SNX29: variants seen among roughly 807,000 people sequenced by gnomAD.
SNX29 encodes sorting nexin 29, also known as sorting nexin-29.
In SNX29, 78 loss-of-function variants were observed where a neutral mutation model predicts 102.1. The ratio of observed to expected loss-of-function variants is 0.76; its 90% confidence interval spans 0.64 to 0.92. The LOEUF (loss-of-function observed/expected upper bound fraction) is 0.92, where lower values mean the gene tolerates loss of function less well. Ranked by LOEUF, SNX29 falls within the 40% of genes least tolerant of loss-of-function variation. SNX29 has a pLI of 0.00. For synonymous variants in SNX29, 580 were observed against 414.5 expected, an observed-to-expected ratio of 1.40 and a Z score of -4.85; for missense variants, 1,280 against 1,061.7, an observed-to-expected ratio of 1.21 and a Z score of -2.86.
chr16:12,230,148 C>G (rs575261774), intron 14 of SNX29, among the ~76,000 whole-genome samples: 1 of 152,094 alleles, frequency 6.6e-6, no homozygotes, highest in African/African-American at 2.4e-5. Flanking sequence ...AGTGTTTAAA[C>G]GAAAACAAAG....
intron 13 of SNX29, among the ~76,000 whole-genome samples, chr16:12,151,263 T>C (rs1171701712): frequency 6.6e-6 from 1 of 151,994 alleles, no homozygotes; most frequent in African/African-American, 2.4e-5. Context: ...TGCTTATATA[T>C]GAATCTCTTA....
chr16:12,258,488 A>C (rs1362528898), intron 14 of SNX29, among the ~76,000 whole-genome samples: 1 of 152,038 alleles, frequency 6.6e-6, no homozygotes, highest in Non-Finnish European at 1.5e-5. Flanking sequence ...CACCCTCTCC[A>C]GTGTATGTTT....
At chr16:12,432,733 G>A (rs778841455) in intron 18 of SNX29, among the ~76,000 whole-genome samples, 4 of 152,196 alleles carry the variant, frequency 2.6e-5, no homozygotes, top group Non-Finnish European at 5.9e-5. Context: ...AGTTTATGTG[G>A]GAGGGAAAAA....
At chr16:12,073,401 C>G (rs1462019094) in intron 10 of SNX29, among the ~76,000 whole-genome samples, 1 of 152,236 alleles carries the variant, frequency 6.6e-6, no homozygotes, top group East Asian at 1.9e-4. Flanking sequence ...CAAAGAACAT[C>G]TTTATTTCTG....
intron 10 of SNX29, among the ~76,000 whole-genome samples, chr16:12,074,698 C>G (rs886949416): frequency 6.6e-6 from 1 of 152,152 alleles, no homozygotes; most frequent in Non-Finnish European, 1.5e-5. Context: ...TTTCCTGAAT[C>G]TGAATGTTGG....
At chr16:12,108,029 G>T (rs1480368555) in intron 11 of SNX29, among the ~76,000 whole-genome samples, 4 of 152,122 alleles carry the variant, frequency 2.6e-5, no homozygotes, top group Non-Finnish European at 5.9e-5. Flanking sequence ...ATAAGGAGGG[G>T]AAAGGTCCAT....
rs2084043216 is a variant in SNX29 at position 12,403,472 on chromosome 16, C to T, written c.1980C>T (p.Val660=). The T allele has an allele frequency of 6.2e-7, 1 of 1,609,094 alleles. No homozygotes were observed. The highest frequency in any genetic ancestry group is 1.3e-5 in the African/African-American group (1 of 74,858). ...FEISNRALIN[V]WIPSVFLRGK... ...GATCAAACCGGGCGCTGATCAACGTCTGGATCCCCTCAGTGTTTCTCCGGG... is the reference window on the plus strand; with the variant it reads ...GATCAAACCGGGCGCTGATCAACGTTTGGATCCCCTCAGTGTTTCTCCGGG... Residue 660 remains valine (V), a synonymous_variant, in exon 18 of 21, where the codon GTC becomes GTT. Transcript: ENST00000566228.
At chr16:11,978,510 A>G (rs1425826755) in intron 1 of SNX29, among the ~76,000 whole-genome samples, 5 of 152,222 alleles carry the variant, frequency 3.3e-5, no homozygotes. Flanking sequence ...TGTGAATATC[A>G]CGAGGTGCAT....
chr16:12,252,386 C>T (rs1215436686), intron 14 of SNX29, among the ~76,000 whole-genome samples: 3 of 152,236 alleles, frequency 2.0e-5, no homozygotes, highest in Non-Finnish European at 4.4e-5. Flanking sequence ...GTCCTCTGAG[C>T]CCCTGCCCCA....
intron 20 of SNX29, among the ~76,000 whole-genome samples, chr16:12,533,689 T>G (rs1207797040): frequency 6.6e-6 from 1 of 152,154 alleles, no homozygotes; most frequent in Non-Finnish European, 1.5e-5. Context: ...TTTACCTCTG[T>G]CGACTGGATG....
chr16:12,543,837 G>C (rs914997802), intron 20 of SNX29, among the ~76,000 whole-genome samples: 1 of 152,242 alleles, frequency 6.6e-6, no homozygotes, highest in South Asian at 2.1e-4. Flanking sequence ...TTCGTATTTG[G>C]AAGAGAGAAG....
chr16:12,566,288 C>T (rs971344633), intron 20 of SNX29, among the ~76,000 whole-genome samples: 3 of 152,180 alleles, frequency 2.0e-5, no homozygotes, highest in African/African-American at 4.8e-5. Flanking sequence ...CAGGACTGGA[C>T]AGAGACACGT....
intron 14 of SNX29, among the ~76,000 whole-genome samples, chr16:12,242,643 T>TTCTTG (rs2142308438): frequency 6.6e-6 from 1 of 151,080 alleles, no homozygotes; most frequent in Non-Finnish European, 1.5e-5. Flanking sequence ...TCTTCTTTTC[T>TTCTTG]TCTTGTCTTC....
chr16:12,376,560 AC>A (rs2082880006), intron 16 of SNX29, among the ~76,000 whole-genome samples: 1 of 151,646 alleles, frequency 6.6e-6, no homozygotes, highest in South Asian at 2.1e-4. Context: ...ACATGGAGAA[AC>A]CCCATCTCTA....
chr16:12,436,265 C>T (rs2085534758), intron 18 of SNX29, among the ~76,000 whole-genome samples: 1 of 152,102 alleles, frequency 6.6e-6, no homozygotes, highest in Non-Finnish European at 1.5e-5. Flanking sequence ...GGCGCTGGCT[C>T]TCCACAGGAG....
chr16:12,550,654 G>C (rs546191800), intron 20 of SNX29, among the ~76,000 whole-genome samples: 2 of 152,128 alleles, frequency 1.3e-5, no homozygotes, highest in Non-Finnish European at 2.9e-5. Context: ...CCGTCACTTA[G>C]TGGAGGACCA....
At chr16:12,429,383 T>C (rs1282490161) in intron 18 of SNX29, among the ~76,000 whole-genome samples, 2 of 152,224 alleles carry the variant, frequency 1.3e-5, no homozygotes, top group Non-Finnish European at 2.9e-5. Flanking sequence ...TTTTTTTCTT[T>C]AGTTGGAATC....
intron 20 of SNX29, among the ~76,000 whole-genome samples, chr16:12,565,394 T>C (rs1489362819): frequency 6.6e-6 from 1 of 152,006 alleles, no homozygotes; most frequent in Non-Finnish European, 1.5e-5. Flanking sequence ...GCAGGTGTCA[T>C]CCACTCAACT....
In SNX29 at chr16:12,051,924, C is replaced by A. The variant is rs1280501381; in HGVS notation, c.826C>A (p.Gln276Lys). ...IISFDDEEDE[Q>K]NSGDVFKKTP... ...CTCATTTGATGATGAGGAAGATGAG[C>A]AGAACTCTGGGGACGTGTTTAAAAA... The change falls in exon 8 of 21, where the codon CAG becomes AAG. Residue 276 changes from glutamine (Q) to lysine (K), a missense_variant. By Grantham distance (53) the Gln-to-Lys change is moderately conservative (BLOSUM62 1). Coordinates refer to ENST00000566228, the MANE Select transcript of SNX29 (RefSeq NM_032167.5). 1 of 1,613,206 alleles carries A rather than the reference C, an allele frequency of 6.2e-7. No homozygotes were observed. Among genetic ancestry groups the A allele is most frequent in the African/African-American group, 1.3e-5 (1 of 74,710 alleles).
Sources: gnomAD v4.1 joint callset for allele counts (sites outside exome capture counted in the v4.1 genomes callset) on GRCh38, gnomAD v4.1.1 for gene constraint, MANE v1.5 for transcripts, NCBI Gene and HGNC (gene_info 2026-07-23, HGNC 2026-07-21) for gene names.